Variants in CIMIP5 observed in about 807,000 individuals in gnomAD.
The protein encoded by CIMIP5 is uncharacterized protein C2orf50.
the CIMIP5 span, chr2:11,133,477 C>T: frequency 1.5e-4 from 248 of 1,607,722 alleles, 1 homozygote; most frequent in Non-Finnish European, 1.6e-4. Context: ...GGCTGCCAGG[C>T]CCCCCAGGCT....
chr2:11,150,910 C>T, the CIMIP5 span, among the ~76,000 whole-genome samples: 53,877 of 151,608 alleles, frequency 0.36, 10,947 homozygotes, highest in South Asian at 0.49. Flanking sequence ...TACCCTGAAA[C>T]ATTTCTGTTG....
the CIMIP5 span, among the ~76,000 whole-genome samples, chr2:11,142,953 C>T: frequency 6.6e-6 from 1 of 152,102 alleles, no homozygotes; most frequent in African/African-American, 2.4e-5. Context: ...ATCTTTCCGC[C>T]AAGGCTTCTC....
the CIMIP5 span, among the ~76,000 whole-genome samples, chr2:11,133,757 G>A: frequency 1.3e-5 from 2 of 152,302 alleles, no homozygotes; most frequent in African/African-American, 4.8e-5. Context: ...AGCCAGACCC[G>A]AGCCTGAGCC....
chr2:11,140,373 T>TCA, the CIMIP5 span: 1 of 394,734 alleles, frequency 2.5e-6, no homozygotes, highest in African/African-American at 3.1e-5. Flanking sequence ...AGCCTCCGTC[T>TCA]TAAAAAAAAA....
the CIMIP5 span, among the ~76,000 whole-genome samples, chr2:11,148,868 G>A: frequency 6.6e-6 from 1 of 151,156 alleles, no homozygotes; most frequent in African/African-American, 2.4e-5. Context: ...CAAGTAGCTA[G>A]GATTACAGGC....
the CIMIP5 span, among the ~76,000 whole-genome samples, chr2:11,140,086 CAAA>C: frequency 4.1e-4 from 35 of 84,790 alleles, no homozygotes; most frequent in African/African-American, 1.8e-3. Context: ...GACTCCCTCT[CAAA>C]AAAAAAAAAA....
chr2:11,140,543 C>T, the CIMIP5 span: 2 of 1,572,148 alleles, frequency 1.3e-6, no homozygotes, highest in Non-Finnish European at 1.7e-6. Flanking sequence ...AAGACTATGA[C>T]CCAATGGTAA....
At chr2:11,150,710 TA>T in the CIMIP5 span, among the ~76,000 whole-genome samples, 2 of 151,594 alleles carry the variant, frequency 1.3e-5, no homozygotes, top group African/African-American at 4.9e-5. Flanking sequence ...CCAAAATCAC[TA>T]AGCTAAGGGA....
At chr2:11,133,307 AGC>A in the CIMIP5 span, 1 of 1,503,650 alleles carries the variant, frequency 6.7e-7, no homozygotes, top group Non-Finnish European at 8.7e-7. Context: ...CTCTGACACA[AGC>A]GCACACACAC....
chr2:11,139,471 G>A, the CIMIP5 span, among the ~76,000 whole-genome samples: 1 of 152,118 alleles, frequency 6.6e-6, no homozygotes, highest in Non-Finnish European at 1.5e-5. Flanking sequence ...AAAACTAAAT[G>A]GCCAGTGCAA....
the CIMIP5 span, among the ~76,000 whole-genome samples, chr2:11,135,464 A>G: frequency 5.3e-5 from 8 of 152,034 alleles, no homozygotes; most frequent in Non-Finnish European, 5.9e-5. Context: ...GAAGTCTCAC[A>G]CTGTCACCCA....
chr2:11,148,936 G>T, the CIMIP5 span, among the ~76,000 whole-genome samples: 3 of 151,800 alleles, frequency 2.0e-5, no homozygotes, highest in Non-Finnish European at 4.4e-5. Flanking sequence ...GGTTCACCAT[G>T]TTGGCCAAGC....
chr2:11,153,209 C>T, the CIMIP5 span, among the ~76,000 whole-genome samples: 2 of 152,168 alleles, frequency 1.3e-5, no homozygotes, highest in South Asian at 2.1e-4. Context: ...AGGAAGAAAC[C>T]TCTTCCACAG....
chr2:11,147,560 C>A, the CIMIP5 span, among the ~76,000 whole-genome samples: 1 of 152,200 alleles, frequency 6.6e-6, no homozygotes, highest in East Asian at 1.9e-4. Flanking sequence ...CTCCACACTT[C>A]AGGTTAGGTT....
the CIMIP5 span, among the ~76,000 whole-genome samples, chr2:11,152,413 C>T: frequency 6.6e-6 from 1 of 152,202 alleles, no homozygotes; most frequent in Non-Finnish European, 1.5e-5. Flanking sequence ...AGGAAGGAAC[C>T]AGGACAGCTT....
chr2:11,154,398 AAG>A, the CIMIP5 span, among the ~76,000 whole-genome samples: 1 of 152,058 alleles, frequency 6.6e-6, no homozygotes, highest in East Asian at 1.9e-4. Context: ...GCTGGAGAGA[AAG>A]AGCCTCGGCC....
chr2:11,142,387 T>C, the CIMIP5 span, among the ~76,000 whole-genome samples: 2 of 152,088 alleles, frequency 1.3e-5, no homozygotes, highest in African/African-American at 4.8e-5. Flanking sequence ...AAAGTTTTAA[T>C]GCCTGCATTG....
the CIMIP5 span, among the ~76,000 whole-genome samples, chr2:11,150,355 T>C: frequency 2.6e-5 from 4 of 150,998 alleles, no homozygotes; most frequent in African/African-American, 9.8e-5. Flanking sequence ...TTTTTTGAGA[T>C]GGAGTCTCGC....
the CIMIP5 span, among the ~76,000 whole-genome samples, chr2:11,141,021 A>G: frequency 1.1e-4 from 16 of 152,064 alleles, no homozygotes; most frequent in South Asian, 3.1e-3. Context: ...AAAATGCTTC[A>G]GTAAGTCTGA....
Sources: allele counts gnomAD v4.1 joint callset (sites outside exome capture counted in the v4.1 genomes callset), GRCh38; gene constraint gnomAD v4.1.1; transcripts MANE v1.5; gene names NCBI Gene and HGNC (gene_info 2026-07-23, HGNC 2026-07-21).